Variants in EDA observed in about 807,000 individuals in gnomAD.
EDA encodes ectodysplasin A.
In EDA, 2 loss-of-function variants were observed where a neutral mutation model predicts 23.6. The ratio of observed to expected loss-of-function variants is 0.08; its 90% CI spans 0.03 to 0.27. The LOEUF is 0.27. EDA is among the 10% of genes least tolerant of loss of function. The pLI is 1.00. For synonymous variants in EDA, 131 were observed against 132.0 expected (o/e 0.99, Z 0.05); for missense variants, 229 against 324.2 (o/e 0.71, Z 2.26).
At chrX:69,677,022 C>G (rs1934117432) in intron 1 of EDA, among the ~76,000 whole-genome samples, 1 of 88,500 alleles carries the variant, frequency 1.1e-5, no homozygotes, top group Admixed American at 1.3e-4. Flanking sequence ...TGTTCCCCTT[C>G]CTGTGTCCAT....
chrX:69,931,246 G>C (rs2018594047), intron 1 of EDA, among the ~76,000 whole-genome samples: 1 of 111,662 alleles, frequency 9.0e-6, no homozygotes, highest in African/African-American at 3.2e-5. Flanking sequence ...CAATTCAATG[G>C]AAAAATTATA....
At chrX:69,777,253 G>A (rs180699874) in intron 1 of EDA, among the ~76,000 whole-genome samples, 15 of 110,019 alleles carry the variant, frequency 1.4e-4, no homozygotes, top group African/African-American at 4.9e-4. Context: ...GATCTCTAGT[G>A]AATGTTGGGG....
intron 1 of EDA, among the ~76,000 whole-genome samples, chrX:69,954,339 C>T (rs1032710974): frequency 3.6e-5 from 4 of 111,564 alleles, no homozygotes; most frequent in Non-Finnish European, 7.5e-5. Context: ...TCCTTTAGGA[C>T]TCACAGAAGT....
intron 2 of EDA, among the ~76,000 whole-genome samples, chrX:69,974,772 G>A (rs2225121): frequency 0.094 from 9,981 of 105,743 alleles, 853 homozygotes; most frequent in East Asian, 0.61. Flanking sequence ...TGAACAAGCA[G>A]AAAACAAATA....
intron 1 of EDA, among the ~76,000 whole-genome samples, chrX:69,777,038 CAAA>C (rs1019862063): frequency 9.2e-6 from 1 of 109,097 alleles, no homozygotes; most frequent in South Asian, 3.8e-4. Context: ...TTGACCTCCT[CAAA>C]AAAAAATAAA....
chrX:69,762,455 C>T (rs940896787), intron 1 of EDA, among the ~76,000 whole-genome samples: 1 of 111,583 alleles, frequency 9.0e-6, no homozygotes, highest in African/African-American at 3.3e-5. Context: ...TGACTATCCA[C>T]GCGGCATTGT....
intron 1 of EDA, among the ~76,000 whole-genome samples, chrX:69,785,427 G>A (rs2015124532): frequency 1.0e-5 from 1 of 96,063 alleles, no homozygotes; most frequent in African/African-American, 3.7e-5. Flanking sequence ...TTGGCTGTGG[G>A]TTTGTCATAG....
intron 1 of EDA, among the ~76,000 whole-genome samples, chrX:69,645,622 G>GTA (rs749581361): frequency 2.4e-4 from 15 of 62,207 alleles, no homozygotes; most frequent in Non-Finnish European, 3.4e-4. Context: ...ATATGTGTGT[G>GTA]TATATATATA....
intron 2 of EDA, among the ~76,000 whole-genome samples, chrX:69,987,311 T>TAAA (rs1270338172): frequency 0.065 from 6,641 of 101,632 alleles, 590 homozygotes; most frequent in East Asian, 0.56. Context: ...TTTTTTTTTT[T>TAAA]AAAAATAAAT....
At chrX:69,838,052 C>G in intron 1 of EDA, among the ~76,000 whole-genome samples, 1 of 112,310 alleles carries the variant, frequency 8.9e-6, no homozygotes, top group Non-Finnish European at 1.9e-5. Context: ...TAAAGAGGAT[C>G]TGTCACTTTT....
chrX:69,732,782 G>T (rs1220109228), intron 1 of EDA, among the ~76,000 whole-genome samples: 3 of 111,702 alleles, frequency 2.7e-5, no homozygotes, highest in Non-Finnish European at 3.8e-5. Context: ...ACTTTTTAAT[G>T]ATCGCCATTC....
intron 1 of EDA, among the ~76,000 whole-genome samples, chrX:69,831,322 T>C (rs2016604712): frequency 8.9e-6 from 1 of 112,125 alleles, no homozygotes; most frequent in Admixed American, 9.5e-5. Context: ...ATTTCTGTCC[T>C]TGTGATAGTT....
At chrX:69,659,780 A>G (rs1401328944) in intron 1 of EDA, among the ~76,000 whole-genome samples, 1 of 111,625 alleles carries the variant, frequency 9.0e-6, no homozygotes. Flanking sequence ...TATGGTCTAA[A>G]TGATCTGACT....
At chrX:70,035,218 C>T (rs1006127626) in intron 7 of EDA, 140 bp from the exon 8 acceptor site, 1 of 692,255 alleles carries the variant, frequency 1.4e-6, no homozygotes, top group South Asian at 2.6e-5. Context: ...GGCCAGCTAG[C>T]ACGCCTTCAC....
chrX:69,799,349 G>A (rs1231209157), intron 1 of EDA, among the ~76,000 whole-genome samples: 4 of 111,078 alleles, frequency 3.6e-5, no homozygotes, highest in African/African-American at 1.3e-4. Flanking sequence ...ATCACATCAA[G>A]TTTAAAAAGC....
chrX:69,856,325 A>G (rs1432289610), intron 1 of EDA, among the ~76,000 whole-genome samples: 1 of 102,002 alleles, frequency 9.8e-6, no homozygotes, highest in African/African-American at 3.6e-5. Flanking sequence ...ATAAACATGC[A>G]TGTGTAAGGT....
At position 70,035,349 on chromosome X, in the gene EDA, C is replaced by G; in HGVS notation, c.925-9C>G. The G allele has an allele frequency of 8.3e-7, 1 of 1,208,184 alleles. No individual in the cohort carries two copies. Among genetic ancestry groups the G allele is most frequent in the Non-Finnish European group, 1.1e-6 (1 of 893,969 alleles). On this transcript the variant is annotated splice_polypyrimidine_tract_variant and intron_variant, in intron 7 of 7. Transcript: ENST00000374552. ...CTTCCCCAATCCCTTCTTGTTGCCTCTCACTCAGGTATACTACATCAACTT... is the reference window on the plus strand; with the variant it reads ...CTTCCCCAATCCCTTCTTGTTGCCTGTCACTCAGGTATACTACATCAACTT...
chrX:69,921,728 T>C (rs752550763), intron 1 of EDA, among the ~76,000 whole-genome samples: 17 of 111,462 alleles, frequency 1.5e-4, no homozygotes, highest in African/African-American at 5.2e-4. Context: ...AGTTGTTTCA[T>C]ACATATAATT....
intron 1 of EDA, among the ~76,000 whole-genome samples, chrX:69,899,279 G>C (rs1279200905): frequency 9.0e-6 from 1 of 111,666 alleles, no homozygotes; most frequent in Non-Finnish European, 1.9e-5. Context: ...CTCATCAAAT[G>C]GTCCATGTTA....
Sources: allele counts gnomAD v4.1 joint callset (sites outside exome capture counted in the v4.1 genomes callset), GRCh38; gene constraint gnomAD v4.1.1; transcripts MANE v1.5; gene names NCBI Gene and HGNC (gene_info 2026-07-23, HGNC 2026-07-21).